CDH12: variants seen among roughly 807,000 people sequenced by gnomAD.
The protein encoded by CDH12 is cadherin 12, also known as cadherin-12.
Under a neutral mutation model 74.1 loss-of-function variants are expected in CDH12, and 41 were observed. The ratio of observed to expected loss-of-function variants is 0.55; its 90% CI spans 0.43 to 0.72. CDH12 has a LOEUF of 0.72. Ranked by LOEUF, CDH12 falls within the 30% of genes least tolerant of loss-of-function variation. The pLI, the probability that CDH12 is intolerant of heterozygous loss-of-function variation, is 0.00. For synonymous variants in CDH12, 399 were observed against 355.0 expected, an observed-to-expected ratio of 1.12 and a Z score of -1.39; for missense variants, 945 against 977.2, an observed-to-expected ratio of 0.97 and a Z score of 0.44.
At chr5:22,331,607 C>A (rs538121076) in intron 3 of CDH12, among the ~76,000 whole-genome samples, 34 of 152,284 alleles carry the variant, frequency 2.2e-4, no homozygotes, top group African/African-American at 8.2e-4. Context: ...TATTGATGAA[C>A]ATCTACAAGC....
chr5:22,208,061 A>C (rs1225587468), intron 4 of CDH12, among the ~76,000 whole-genome samples: 1 of 152,188 alleles, frequency 6.6e-6, no homozygotes, highest in Non-Finnish European at 1.5e-5. Flanking sequence ...ACCTTAACTG[A>C]CTTGTCCAAG....
intron 3 of CDH12, among the ~76,000 whole-genome samples, chr5:22,350,019 G>A (rs186431896): frequency 9.8e-4 from 149 of 152,264 alleles, no homozygotes; most frequent in African/African-American, 3.6e-3. Context: ...TAACATATGA[G>A]GACATAGAGC....
chr5:22,644,083 G>A (rs141011442), intron 1 of CDH12, among the ~76,000 whole-genome samples: 9 of 151,776 alleles, frequency 5.9e-5, no homozygotes, highest in South Asian at 2.1e-4. Flanking sequence ...TCGGTGCTCC[G>A]TATTCCCTGA....
At chr5:22,661,831 T>C (rs1561559814) in intron 1 of CDH12, among the ~76,000 whole-genome samples, 1 of 151,958 alleles carries the variant, frequency 6.6e-6, no homozygotes, top group Non-Finnish European at 1.5e-5. Flanking sequence ...GCATGCTACC[T>C]CCCCTCACAT....
chr5:22,484,539 G>A (rs779248933), intron 2 of CDH12, among the ~76,000 whole-genome samples: 8 of 152,188 alleles, frequency 5.3e-5, no homozygotes, highest in Non-Finnish European at 8.8e-5. Flanking sequence ...AAGGAAAGAC[G>A]ATCACCATGA....
intron 2 of CDH12, among the ~76,000 whole-genome samples, chr5:22,411,004 G>A (rs1430461523): frequency 6.6e-6 from 1 of 151,888 alleles, no homozygotes; most frequent in Non-Finnish European, 1.5e-5. Flanking sequence ...ATGGAATTTA[G>A]AGGAAAAAGA....
intron 3 of CDH12, among the ~76,000 whole-genome samples, chr5:22,299,121 A>G (rs569052735): frequency 1.3e-5 from 2 of 152,182 alleles, no homozygotes; most frequent in Non-Finnish European, 2.9e-5. Context: ...AACCATACCT[A>G]TATCTGAGAA....
chr5:21,996,505 G>A (rs1361026415), intron 5 of CDH12, among the ~76,000 whole-genome samples: 3 of 152,150 alleles, frequency 2.0e-5, no homozygotes, highest in African/African-American at 7.2e-5. Context: ...GGAAGGCTAA[G>A]TGATTTCCCC....
intron 6 of CDH12, among the ~76,000 whole-genome samples, chr5:21,942,306 G>C (rs1014329285): frequency 6.8e-6 from 1 of 147,860 alleles, no homozygotes; most frequent in Non-Finnish European, 1.5e-5. Context: ...TGGTAGTAAT[G>C]TGCTCCAGCC....
intron 1 of CDH12, among the ~76,000 whole-genome samples, chr5:22,633,831 A>G (rs1021658298): frequency 2.0e-5 from 3 of 152,196 alleles, no homozygotes; most frequent in African/African-American, 7.2e-5. Flanking sequence ...ATGAACCAAT[A>G]GCTTATAAGA....
At chr5:22,293,740 C>T (rs1339154707) in intron 3 of CDH12, among the ~76,000 whole-genome samples, 2 of 152,064 alleles carry the variant, frequency 1.3e-5, no homozygotes, top group Admixed American at 1.3e-4. Context: ...ATAAGCCAGG[C>T]ACAGAAAGGC....
chr5:22,122,725 T>C (rs1324776958), intron 4 of CDH12, among the ~76,000 whole-genome samples: 1 of 152,224 alleles, frequency 6.6e-6, no homozygotes, highest in Non-Finnish European at 1.5e-5. Context: ...CCTGTTGCAA[T>C]GTGAGTGGCC....
chr5:22,363,901 G>T (rs180813497), intron 3 of CDH12, among the ~76,000 whole-genome samples: 1 of 152,134 alleles, frequency 6.6e-6, no homozygotes, highest in Non-Finnish European at 1.5e-5. Context: ...TCTTAGTAAC[G>T]TGATATTCTG....
At chr5:21,802,873 C>A (rs1747214345) in intron 9 of CDH12, among the ~76,000 whole-genome samples, 1 of 151,950 alleles carries the variant, frequency 6.6e-6, no homozygotes, top group Admixed American at 6.6e-5. Flanking sequence ...ATTACAGAAG[C>A]AAGGTAAACA....
At position 21,884,988 on chromosome 5, in the gene CDH12, C is replaced by T. The variant is rs544667036; in HGVS notation, c.527-30198G>A. The stretch of plus-strand genomic sequence containing the variant: ...GCAACCTCTGCCTCCCGGGTTCAAA[C>T]GATTCTCCTGCCTCAGCCTCCCGAG... On this transcript the variant is annotated intron_variant, in intron 6 of 14. Transcript: ENST00000382254. Among the ~76,000 whole-genome samples, 106 of 152,160 alleles carry T rather than the reference C, an allele frequency of 7.0e-4. No homozygotes were observed. In the Middle Eastern group the frequency reaches 0.01, roughly 15 times the overall value.
At chr5:22,548,225 T>G (rs984760375) in intron 1 of CDH12, among the ~76,000 whole-genome samples, 1 of 152,134 alleles carries the variant, frequency 6.6e-6, no homozygotes, top group African/African-American at 2.4e-5. Context: ...ACGTAGTTGG[T>G]CTTGTTAACA....
rs190581993 is a variant in CDH12 at position 22,744,666 on chromosome 5, T to A, written c.-523+108392A>T. Among the ~76,000 whole-genome samples the A allele has an allele frequency of 1.8e-4, 27 of 152,304 alleles. No individual in the cohort carries two copies. In the East Asian group the frequency reaches 4.3e-3, roughly 24 times the overall value. On this transcript the variant is annotated intron_variant, in intron 1 of 14. Transcript: ENST00000382254. ...ATAGATAGCAACTGTAGATTTTTGTTGTTTGTTTAAATCTTCAACAATCAT... is the reference window on the plus strand; with the variant it reads ...ATAGATAGCAACTGTAGATTTTTGTAGTTTGTTTAAATCTTCAACAATCAT...
chr5:22,605,653 G>A lies in CDH12; in HGVS notation c.-522-100289C>T, dbSNP rs543108712. ...GCATCCCATCCCCAGCTGGGCACAT[G>A]GAGGGCACACCGACAGCTTGTCCCT... On this transcript the variant is annotated intron_variant, in intron 1 of 14. Transcript: ENST00000382254. Among the ~76,000 whole-genome samples the A allele has an allele frequency of 2.0e-5, 3 of 152,338 alleles. No homozygotes were observed. In the East Asian group the frequency reaches 5.8e-4, roughly 29 times the overall value.
At chr5:22,837,639 T>C (rs1036902581) in intron 1 of CDH12, among the ~76,000 whole-genome samples, 1 of 152,208 alleles carries the variant, frequency 6.6e-6, no homozygotes, top group Non-Finnish European at 1.5e-5. Flanking sequence ...ATGTACATTC[T>C]GGATGAATTG....
Sources: allele counts gnomAD v4.1 joint callset (sites outside exome capture counted in the v4.1 genomes callset), GRCh38; gene constraint gnomAD v4.1.1; transcripts MANE v1.5; gene names NCBI Gene and HGNC (gene_info 2026-07-23, HGNC 2026-07-21).